The following PGCKA1 variants were observed in gnomAD, a reference collection of about 807,000 sequenced individuals.
PGCKA1 encodes PDCD10 and GCKIII kinases associated 1, also known as PDCD10 and GCKIII kinases-associated protein 1.
the PGCKA1 span, among the ~76,000 whole-genome samples, chr4:37,557,302 T>C: frequency 6.6e-6 from 1 of 152,242 alleles, no homozygotes; most frequent in Non-Finnish European, 1.5e-5. Context: ...AGTCAAAACT[T>C]TGTCCATCAG....
At chr4:37,532,207 A>G in the PGCKA1 span, among the ~76,000 whole-genome samples, 9 of 152,208 alleles carry the variant, frequency 5.9e-5, no homozygotes, top group East Asian at 7.7e-4. Context: ...TGCAAATTAA[A>G]CTTAAAAGTG....
chr4:37,544,851 GTTTTTTGT>G, the PGCKA1 span, among the ~76,000 whole-genome samples: 2 of 149,794 alleles, frequency 1.3e-5, no homozygotes, highest in East Asian at 2.0e-4. Context: ...TTTTTTTTCT[GTTTTTTGT>G]TTTTTTGTTT....
the PGCKA1 span, among the ~76,000 whole-genome samples, chr4:37,538,113 C>T: frequency 6.6e-6 from 1 of 151,900 alleles, no homozygotes; most frequent in Non-Finnish European, 1.5e-5. Flanking sequence ...GAACCAGAGC[C>T]TCAAATCTTG....
chr4:37,539,965 A>C, the PGCKA1 span, among the ~76,000 whole-genome samples: 1 of 152,094 alleles, frequency 6.6e-6, no homozygotes, highest in Non-Finnish European at 1.5e-5. Context: ...CTCTCTTCTA[A>C]ATATTTTATA....
chr4:37,548,017 A>G, the PGCKA1 span, among the ~76,000 whole-genome samples: 681 of 133,468 alleles, frequency 5.1e-3, 20 homozygotes, highest in East Asian at 0.062. Context: ...AAAAAGGAAA[A>G]AAAAAGGGGG....
the PGCKA1 span, among the ~76,000 whole-genome samples, chr4:37,524,073 G>C: frequency 6.6e-6 from 1 of 152,192 alleles, no homozygotes; most frequent in Non-Finnish European, 1.5e-5. Context: ...AGAAGAGAAA[G>C]TGTCCAAGAG....
the PGCKA1 span, among the ~76,000 whole-genome samples, chr4:37,467,151 A>G: frequency 6.6e-6 from 1 of 152,182 alleles, no homozygotes; most frequent in African/African-American, 2.4e-5. Context: ...CTGATTTAAA[A>G]ATGAGATGTA....
chr4:37,495,920 CT>C, the PGCKA1 span, among the ~76,000 whole-genome samples: 12 of 151,812 alleles, frequency 7.9e-5, no homozygotes, highest in Admixed American at 5.9e-4. Context: ...GTTTATTTTT[CT>C]TTTTTTCTTG....
At chr4:37,474,774 T>C in the PGCKA1 span, among the ~76,000 whole-genome samples, 16 of 152,262 alleles carry the variant, frequency 1.1e-4, no homozygotes, top group East Asian at 2.9e-3. Flanking sequence ...CGAAGGTCTG[T>C]GTAACTCCAG....
chr4:37,540,217 TTA>T, the PGCKA1 span, among the ~76,000 whole-genome samples: 2 of 152,248 alleles, frequency 1.3e-5, no homozygotes, highest in African/African-American at 2.4e-5. Flanking sequence ...GCGTGCATAA[TTA>T]TATATGTTTT....
chr4:37,513,624 G>T, the PGCKA1 span, among the ~76,000 whole-genome samples: 1 of 152,202 alleles, frequency 6.6e-6, no homozygotes, highest in Non-Finnish European at 1.5e-5. Flanking sequence ...GGCCGTGGGT[G>T]TTAGGGCTGC....
chr4:37,572,074 T>C, the PGCKA1 span, among the ~76,000 whole-genome samples: 21 of 81,322 alleles, frequency 2.6e-4, no homozygotes, highest in South Asian at 7.1e-4. Context: ...TTTTTTTTTT[T>C]TTTTTTGAGA....
the PGCKA1 span, among the ~76,000 whole-genome samples, chr4:37,576,340 T>A: frequency 6.6e-6 from 1 of 152,136 alleles, no homozygotes; most frequent in Non-Finnish European, 1.5e-5. Context: ...TATTTGTATC[T>A]ATTAGAAATG....
chr4:37,590,786 A>G, the PGCKA1 span: 2,315 of 1,614,072 alleles, frequency 1.4e-3, 2 homozygotes, highest in Admixed American at 2.0e-3. Flanking sequence ...TCATTGAATG[A>G]GGATGTGGAA....
At chr4:37,528,991 C>T in the PGCKA1 span, among the ~76,000 whole-genome samples, 1 of 152,290 alleles carries the variant, frequency 6.6e-6, no homozygotes, top group Admixed American at 6.5e-5. Flanking sequence ...TAATCTGGCT[C>T]AATACTCATG....
At chr4:37,591,605 T>C in the PGCKA1 span, 2 of 152,218 alleles carry the variant, frequency 1.3e-5, no homozygotes, top group Admixed American at 1.3e-4. Flanking sequence ...AAACAAAGGG[T>C]TAGTCATTAG....
chr4:37,504,165 G>T, the PGCKA1 span, among the ~76,000 whole-genome samples: 1 of 152,130 alleles, frequency 6.6e-6, no homozygotes, highest in Non-Finnish European at 1.5e-5. Flanking sequence ...TTTGCATATG[G>T]CTATCCGGTT....
the PGCKA1 span, among the ~76,000 whole-genome samples, chr4:37,564,515 A>AT: frequency 2.0e-5 from 3 of 150,976 alleles, no homozygotes; most frequent in African/African-American, 2.4e-5. Flanking sequence ...TTATTTATTT[A>AT]TTTTTTTTGA....
At chr4:37,458,242 T>A in the PGCKA1 span, among the ~76,000 whole-genome samples, 1 of 152,228 alleles carries the variant, frequency 6.6e-6, no homozygotes, top group Non-Finnish European at 1.5e-5. Flanking sequence ...TTTAGTCATG[T>A]TCCTACTTCT....
Sources: allele counts gnomAD v4.1 joint callset (sites outside exome capture counted in the v4.1 genomes callset), GRCh38; gene constraint gnomAD v4.1.1; transcripts MANE v1.5; gene names NCBI Gene and HGNC (gene_info 2026-07-23, HGNC 2026-07-21).